Variants in C16orf96 observed in about 807,000 individuals in gnomAD.
The protein encoded by C16orf96 is uncharacterized protein C16orf96.
C16orf96 carries 108 observed loss-of-function variants against 103.6 expected under a neutral mutation model. The observed-to-expected ratio is 1.04, with a 90% CI of 0.89 to 1.22. C16orf96 has a LOEUF of 1.22. Among genes scored for constraint, C16orf96 ranks in the 50% most tolerant of loss-of-function variants. C16orf96 has a pLI of 0.00. For synonymous variants in C16orf96, 566 were observed against 593.5 expected (o/e 0.95, Z 0.67); for missense variants, 1,586 against 1,464.2 (o/e 1.08, Z -1.36).
chr16:4,578,819 C>G, intron 5 of C16orf96, 121 bp from the exon 6 acceptor site: 1 of 556,484 alleles, frequency 1.8e-6, no homozygotes, highest in Non-Finnish European at 3.2e-6. Context: ...AGCTGCGAGG[C>G]CCAGTGCATT....
upstream of C16orf96, among the ~76,000 whole-genome samples, chr16:4,555,607 G>T (rs915036059): frequency 1.3e-5 from 2 of 151,840 alleles, no homozygotes; most frequent in African/African-American, 4.8e-5. Flanking sequence ...TCCTGACCCC[G>T]TGGTCCACCC....
At chr16:4,586,588 T>A (rs1040051668) in intron 7 of C16orf96, among the ~76,000 whole-genome samples, 1 of 152,158 alleles carries the variant, frequency 6.6e-6, no homozygotes, top group Non-Finnish European at 1.5e-5. Flanking sequence ...GTTGGTTCTT[T>A]GTGGAGTTGT....
intron 1 of C16orf96, among the ~76,000 whole-genome samples, chr16:4,559,113 C>A (rs1355137511): frequency 1.3e-5 from 2 of 151,938 alleles, no homozygotes; most frequent in African/African-American, 4.8e-5. Flanking sequence ...CGATGACTGC[C>A]TTCCTATCCC....
intron 1 of C16orf96, among the ~76,000 whole-genome samples, chr16:4,570,360 C>A (rs970260243): frequency 2.6e-5 from 4 of 151,688 alleles, no homozygotes. Flanking sequence ...TTATAAAGGG[C>A]TCTGTTAAGT....
chr16:4,556,697 A>C lies in C16orf96; in HGVS notation c.208A>C (p.Ile70Leu). ...IMPREGDAQPILNPMKRLSNV... is the reference protein window; with the variant it reads ...IMPREGDAQPLLNPMKRLSNV... ...GCCCAGGGAAGGAGACGCCCAGCCT[A>C]TCCTCAACCCCATGAAGAGGCTCAG... Residue 70 changes from isoleucine to leucine, a missense_variant, in exon 1 of 16, where the codon ATC becomes CTC. Ile to Leu is a conservative substitution (Grantham distance 5, BLOSUM62 2). Coordinates refer to ENST00000444310, the MANE Select transcript of C16orf96 (RefSeq NM_001145011.2). The C allele has an allele frequency of 6.4e-7, 1 of 1,551,638 alleles. No individual in the cohort carries two copies. Among genetic ancestry groups the C allele is most frequent in the Non-Finnish European group, 8.7e-7 (1 of 1,146,948 alleles).
chr16:4,581,916 A>T (rs919536289), intron 7 of C16orf96, among the ~76,000 whole-genome samples: 8 of 151,782 alleles, frequency 5.3e-5, no homozygotes, highest in African/African-American at 9.7e-5. Flanking sequence ...TGACTGCATC[A>T]CTGACTCCAG....
intron 1 of C16orf96, chr16:4,562,997 A>G (rs1254467239): frequency 8.8e-7 from 1 of 1,131,976 alleles, no homozygotes; most frequent in South Asian, 1.3e-5. Context: ...TCATTTTCCC[A>G]ATCTGAAACA....
chr16:4,542,671 G>A, the C16orf96 span, among the ~76,000 whole-genome samples: 1 of 151,974 alleles, frequency 6.6e-6, no homozygotes, highest in African/African-American at 2.4e-5. Flanking sequence ...GGTGGCAGGC[G>A]CCTGTAATCC....
At position 4,575,895 on chromosome 16, in the gene C16orf96, G is replaced by C. The variant is rs766534486; in HGVS notation, c.1415G>C (p.Arg472Thr). ...DVPSLRGLRE[R>T]ARKDGAPKDR... ...CCCAGCCTAAGGGGCCTTCGGGAGA[G>C]GGCCCGCAAGGATGGGGCCCCCAAG... Residue 472 changes from arginine (R) to threonine (T), a missense_variant, in exon 5 of 16, where the codon AGG (arginine) becomes ACG (threonine). By Grantham distance (71) the Arg-to-Thr change is moderately conservative. Coordinates refer to ENST00000444310, the MANE Select transcript of C16orf96 (RefSeq NM_001145011.2). The C allele has an allele frequency of 1.9e-6, 3 of 1,551,472 alleles. No homozygotes were observed. The African/African-American group carries it at 4.1e-5, about 21-fold the overall frequency.
the C16orf96 span, among the ~76,000 whole-genome samples, chr16:4,549,061 C>A: frequency 4.0e-5 from 6 of 151,812 alleles, no homozygotes; most frequent in Non-Finnish European, 7.4e-5. Flanking sequence ...TTCTTTTAGG[C>A]CAGAGTTAAA....
chr16:4,594,471 C>T lies in C16orf96; in HGVS notation c.2988C>T (p.Leu996=). The T allele has an allele frequency of 1.9e-6, 3 of 1,551,530 alleles. No homozygotes were observed. Among genetic ancestry groups the T allele is most frequent in the Non-Finnish European group, 2.6e-6 (3 of 1,147,004 alleles). The part of the protein sequence containing the change: ...LKCKSCNLLT[L]YPYGDPHVID... ...GCAAGTCCTGCAACCTGTTGACGCT[C>T]TATCCCTACGGGGATCCCCACGTGA... is the stretch of plus-strand genomic sequence containing the variant. The change falls in exon 13 of 16, where the codon CTC becomes CTT. Residue 996 remains leucine, a synonymous_variant. Transcript: ENST00000444310.
rs375763548 is a variant in C16orf96 at position 4,600,358 on chromosome 16, C to G, written c.*41C>G. ...GCCCCCCATCGCCAAGTCCCCTCCA[C>G]GTCCGAGGCTGAGGCCCATGTGGCC... is the stretch of plus-strand genomic sequence containing the variant. On this transcript the variant is annotated 3_prime_UTR_variant, in exon 16 of 16. Transcript: ENST00000444310. 3 of 1,423,516 alleles carry G rather than the reference C, an allele frequency of 2.1e-6. No individual in the cohort carries two copies. The highest frequency in any genetic ancestry group is 1.9e-6 in the Non-Finnish European group (2 of 1,040,646). 88.2% of individuals were successfully genotyped at this position (1,423,516 alleles called of 1,614,324 possible).
At chr16:4,582,822 C>G (rs1022574983) in intron 7 of C16orf96, among the ~76,000 whole-genome samples, 2 of 152,154 alleles carry the variant, frequency 1.3e-5, no homozygotes, top group Non-Finnish European at 2.9e-5. Flanking sequence ...CCTGCGTGTC[C>G]GTAGTTGTCA....
At position 4,576,213 on chromosome 16, in the gene C16orf96, A is replaced by ATG. The variant is rs1383616262; in HGVS notation, c.1733_1734insTG (p.Ala580ProfsTer39). On this transcript the variant is annotated frameshift_variant, in exon 5 of 16. Coordinates refer to ENST00000444310, the MANE Select transcript of C16orf96 (RefSeq NM_001145011.2). LOFTEE classifies it high-confidence loss of function. ...ATCGCCGCCGCTGCCGCCGCAGCCT[A>ATG]CGCCGCTGCCACATCCTCCGCTGCC... 2 of 1,550,520 alleles carry ATG rather than the reference A, an allele frequency of 1.3e-6. No homozygotes were observed. Among genetic ancestry groups the ATG allele is most frequent in the Admixed American group, 3.9e-5 (2 of 50,974 alleles).
intron 1 of C16orf96, among the ~76,000 whole-genome samples, chr16:4,559,508 G>A (rs1174452434): frequency 3.3e-5 from 5 of 151,334 alleles, no homozygotes; most frequent in Admixed American, 1.3e-4. Flanking sequence ...CGGAGATTGC[G>A]CCACTGCACT....
At position 4,575,427 on chromosome 16, in the gene C16orf96, C is replaced by G. The variant is rs1401480314; in HGVS notation, c.947C>G (p.Ser316Cys). Residue 316 changes from serine (S) to cysteine (C), a missense_variant, in exon 5 of 16, where the codon TCT becomes TGT. Coordinates refer to ENST00000444310, the MANE Select transcript of C16orf96 (RefSeq NM_001145011.2). The stretch of plus-strand genomic sequence containing the variant: ...CAGCCTCCGGCCCTCACGCCTGAGT[C>G]TGCACCTGGGTGCACAACTGAATTT... ...PAQPPALTPE[S>C]APGCTTEFAP... 3.9e-6 allele frequency: 6 copies of G among 1,549,746 alleles called. No individual in the cohort carries two copies. Among genetic ancestry groups the G allele is most frequent in the Non-Finnish European group, 5.2e-6 (6 of 1,146,914 alleles).
chr16:4,553,718 G>A (rs756620065), upstream of C16orf96, among the ~76,000 whole-genome samples: 2 of 152,056 alleles, frequency 1.3e-5, no homozygotes, highest in South Asian at 2.1e-4. Context: ...CAAGCAACCC[G>A]CCCACTTTGG....
At chr16:4,542,533 A>C in the C16orf96 span, among the ~76,000 whole-genome samples, 1 of 152,210 alleles carries the variant, frequency 6.6e-6, no homozygotes, top group African/African-American at 2.4e-5. Context: ...GCAGTGGCTC[A>C]TGCCTGTAAT....
chr16:4,570,682 G>A (rs1285117237), intron 1 of C16orf96, among the ~76,000 whole-genome samples: 3 of 152,060 alleles, frequency 2.0e-5, no homozygotes, highest in Admixed American at 6.6e-5. Flanking sequence ...TGGCCAGACT[G>A]TTATCGAACT....
Sources: allele counts gnomAD v4.1 joint callset (sites outside exome capture counted in the v4.1 genomes callset), GRCh38; gene constraint gnomAD v4.1.1; transcripts MANE v1.5; gene names NCBI Gene and HGNC (gene_info 2026-07-23, HGNC 2026-07-21).